The following NUCKS1 variants were observed in gnomAD, a reference collection of about 807,000 sequenced individuals.
NUCKS1 encodes the protein nuclear casein kinase and cyclin dependent kinase substrate 1, also known as nuclear ubiquitous casein and cyclin-dependent kinase substrate 1.
In NUCKS1, 2 loss-of-function variants were observed where a neutral mutation model predicts 33.0. The ratio of observed to expected loss-of-function variants is 0.06; its 90% CI spans 0.02 to 0.19. NUCKS1 has a LOEUF of 0.19. Among genes scored for constraint, NUCKS1 ranks in the 10% least tolerant of loss-of-function variants. The pLI is 1.00. For missense variants in NUCKS1, 201 were observed against 293.6 expected, an observed-to-expected ratio of 0.68 and a Z score of 2.31; for synonymous variants, 106 against 102.8, an observed-to-expected ratio of 1.03 and a Z score of -0.19.
chr1:205,716,373 AAC>A lies in NUCKS1; in HGVS notation c.*1905_*1906del, dbSNP rs1671823059. 3 of 152,248 alleles carry A rather than the reference AAC, an allele frequency of 2.0e-5. No homozygotes were observed. Among genetic ancestry groups the A allele is most frequent in the Admixed American group, 2.0e-4 (3 of 15,284 alleles). The allele number at this position is 152,248 out of a possible 1,614,324, so 9.4% of individuals were successfully genotyped here. The stretch of plus-strand genomic sequence containing the variant: ...ACACTGATAGGTCTTTTACTATATG[AAC>A]ACAAACTTCTTTGTTAAAAATGGAT... On this transcript the variant is annotated 3_prime_UTR_variant, in exon 7 of 7. Transcript: ENST00000367142.
At chr1:205,748,121 C>CA (rs1177939408) in intron 1 of NUCKS1, among the ~76,000 whole-genome samples, 1 of 151,964 alleles carries the variant, frequency 6.6e-6, no homozygotes, top group Non-Finnish European at 1.5e-5. Flanking sequence ...CCAATGCCTC[C>CA]AAAAAACTGA....
rs528432834 is a variant in NUCKS1 at position 205,750,157 on chromosome 1, C to G, written c.-184G>C. The G allele has an allele frequency of 2.4e-3, 1,535 of 639,832 alleles. 7 individuals are homozygous for G. The highest frequency in any genetic ancestry group is 3.3e-3 in the Non-Finnish European group (1,205 of 362,408). The allele number at this position is 639,832 out of a possible 1,614,324, so 39.6% of individuals were successfully genotyped here. The stretch of plus-strand genomic sequence containing the variant: ...GGGCTCCTGGAACAGACGAGCCCCC[C>G]GCTCCCCCGTCTCTTCAAAATGGAT... On this transcript the variant is annotated 5_prime_UTR_variant, in exon 1 of 7. Transcript: ENST00000367142.
At position 205,717,395 on chromosome 1, in the gene NUCKS1, G is replaced by GTTTT; in HGVS notation, c.*881_*884dup. 4.5e-6 allele frequency: 4 copies of GTTTT among 883,264 alleles called. No individual in the cohort carries two copies. The highest frequency in any genetic ancestry group is 5.4e-6 in the Non-Finnish European group (4 of 744,456). 54.7% of individuals were successfully genotyped at this position (883,264 alleles called of 1,614,324 possible). Reference sequence around the variant, plus strand: ...CTGATCTTGTTGATTAAATTCTAGGGTTTTTTTTTTTTTGGATTCTTGGTA... The same window carrying GTTTT: ...CTGATCTTGTTGATTAAATTCTAGGGTTTTTTTTTTTTTTTTTGGATTCTTGGTA... On this transcript the variant is annotated 3_prime_UTR_variant, in exon 7 of 7. Transcript: ENST00000367142.
At position 205,716,835 on chromosome 1, in the gene NUCKS1, G is replaced by A. The variant is rs1294391106; in HGVS notation, c.*1445C>T. 1.3e-5 allele frequency: 2 copies of A among 152,172 alleles called. No individual in the cohort carries two copies. The highest frequency in any genetic ancestry group is 2.9e-5 in the Non-Finnish European group (2 of 68,030). The allele number at this position is 152,172 out of a possible 1,614,324, so 9.4% of individuals were successfully genotyped here. A position where few individuals can be genotyped will look rare whatever the true frequency, so the allele number is the denominator to read the frequency against. On this transcript the variant is annotated 3_prime_UTR_variant, in exon 7 of 7. Transcript: ENST00000367142. ...TCTCCTGACTGCTTTTATAAGGCGT[G>A]TAAAAGTCGGTTTTCAACTGCACAC... is the stretch of plus-strand genomic sequence containing the variant.
intron 1 of NUCKS1, among the ~76,000 whole-genome samples, chr1:205,743,751 A>G (rs1369422469): frequency 6.6e-6 from 1 of 152,200 alleles, no homozygotes; most frequent in Admixed American, 6.5e-5. Context: ...GTAACACAAC[A>G]TTATTAAAAA....
At chr1:205,745,329 T>C (rs1186242847) in intron 1 of NUCKS1, among the ~76,000 whole-genome samples, 3 of 151,984 alleles carry the variant, frequency 2.0e-5, no homozygotes, top group Non-Finnish European at 4.4e-5. Flanking sequence ...TGAAACCCTG[T>C]CTACAAAAAA....
rs535971636 is a variant in NUCKS1, at chr1:205,717,329, A to C, written c.*951T>G. On this transcript the variant is annotated 3_prime_UTR_variant, in exon 7 of 7. Coordinates refer to ENST00000367142, the MANE Select transcript of NUCKS1 (RefSeq NM_022731.5). ...TGGAACTTTATTTGCTTAAAACCTA[A>C]ACATTGTCAGTTTGAAAAGAAATCC... is the stretch of plus-strand genomic sequence containing the variant. 8.1e-6 allele frequency: 8 copies of C among 987,440 alleles called. No individual in the cohort carries two copies. The South Asian group carries it at 3.7e-4, about 46-fold the overall frequency. 61.2% of individuals were successfully genotyped at this position (987,440 alleles called of 1,614,324 possible).
chr1:205,745,848 T>C (rs1654307537), intron 1 of NUCKS1, among the ~76,000 whole-genome samples: 1 of 152,178 alleles, frequency 6.6e-6, no homozygotes, highest in Non-Finnish European at 1.5e-5. Flanking sequence ...TAAAACAAAG[T>C]GAAAACCTCT....
In NUCKS1 at chr1:205,715,166, C is replaced by T. The variant is rs1364874637; in HGVS notation, c.*3114G>A. 2 of 152,132 alleles carry T rather than the reference C, an allele frequency of 1.3e-5. No homozygotes were observed. Among genetic ancestry groups the T allele is most frequent in the African/African-American group, 2.4e-5 (1 of 41,412 alleles). 9.4% of individuals were successfully genotyped at this position (152,132 alleles called of 1,614,324 possible). On this transcript the variant is annotated 3_prime_UTR_variant, in exon 7 of 7. Transcript: ENST00000367142. ...TAAAAACTTTACTGGAGTATAACCT[C>T]AAATTTCACTCTTGATTTGTTATCT...
chr1:205,719,091 T>C (rs1258416416), intron 6 of NUCKS1, among the ~76,000 whole-genome samples: 2 of 152,242 alleles, frequency 1.3e-5, no homozygotes, highest in Non-Finnish European at 2.9e-5. Context: ...TGTGGTTTTA[T>C]TCTGATAGCA....
chr1:205,747,621 A>G (rs1218152696), intron 1 of NUCKS1, among the ~76,000 whole-genome samples: 2 of 152,230 alleles, frequency 1.3e-5, no homozygotes, highest in African/African-American at 4.8e-5. Context: ...AAAACTGCAA[A>G]ATTATACACA....
rs773098402 is a variant in NUCKS1 at position 205,749,981 on chromosome 1, G to C, written c.-8C>G. ...CCTGACAGGCCGCGACATGTTCGCT[G>C]TCGAAACAGGACCGAGTCGAGAAGC... On this transcript the variant is annotated 5_prime_UTR_variant, in exon 1 of 7. Transcript: ENST00000367142. 1 of 1,601,552 alleles carries C rather than the reference G, an allele frequency of 6.2e-7. No homozygotes were observed. The highest frequency in any genetic ancestry group is 1.7e-5 in the Admixed American group (1 of 59,424).
At chr1:205,748,136 A>G (rs1181501675) in intron 1 of NUCKS1, among the ~76,000 whole-genome samples, 5 of 152,200 alleles carry the variant, frequency 3.3e-5, no homozygotes, top group Admixed American at 6.5e-5. Flanking sequence ...AACTGATAGA[A>G]TGTGCTTAAT....
At chr1:205,723,177 T>C (rs1671951244) in intron 4 of NUCKS1, among the ~76,000 whole-genome samples, 1 of 152,178 alleles carries the variant, frequency 6.6e-6, no homozygotes. Flanking sequence ...AGAGTGAATT[T>C]AGCAGAACTT....
Position 205,717,580 on chromosome 1 carries a change from G to A in NUCKS1, c.*700C>T, listed in dbSNP as rs1022129709. The A allele has an allele frequency of 1.2e-5, 12 of 983,948 alleles. No individual in the cohort carries two copies. Among genetic ancestry groups the A allele is most frequent in the Admixed American group, 1.2e-4 (2 of 16,102 alleles). The allele number at this position is 983,948 out of a possible 1,614,324, so 61.0% of individuals were successfully genotyped here. ...GAGTCTCTTTGAGATAACAAGTGATGAAATAAAAAAGAAAGCCCATACCCT... is the reference window on the plus strand; with the variant it reads ...GAGTCTCTTTGAGATAACAAGTGATAAAATAAAAAAGAAAGCCCATACCCT... On this transcript the variant is annotated 3_prime_UTR_variant, in exon 7 of 7. Coordinates refer to ENST00000367142, the MANE Select transcript of NUCKS1 (RefSeq NM_022731.5).
In NUCKS1 at chr1:205,716,267, A is replaced by T. The variant is rs1475101031; in HGVS notation, c.*2013T>A. On this transcript the variant is annotated 3_prime_UTR_variant, in exon 7 of 7. Transcript: ENST00000367142. Reference sequence around the variant, plus strand: ...CTCCCCCCAAATCTTCACGAAACATAACCTAAGAAAAGCCCAAATGTTACT... The same window carrying T: ...CTCCCCCCAAATCTTCACGAAACATTACCTAAGAAAAGCCCAAATGTTACT... 6.6e-6 allele frequency: 1 copy of T among 152,206 alleles called. No individual in the cohort carries two copies. The highest frequency in any genetic ancestry group is 2.4e-5 in the African/African-American group (1 of 41,458). 9.4% of individuals were successfully genotyped at this position (152,206 alleles called of 1,614,324 possible).
chr1:205,740,328 T>C (rs1654136058), intron 1 of NUCKS1, among the ~76,000 whole-genome samples: 1 of 151,806 alleles, frequency 6.6e-6, no homozygotes, highest in African/African-American at 2.4e-5. Flanking sequence ...ATTTAAAATA[T>C]CAAATTCCCT....
chr1:205,724,547 A>C (rs1325640018), intron 3 of NUCKS1, among the ~76,000 whole-genome samples: 1 of 152,026 alleles, frequency 6.6e-6, no homozygotes, highest in East Asian at 1.9e-4. Flanking sequence ...TACAAATATT[A>C]GCCAGGCGTG....
rs1191041223 is a variant in NUCKS1 at position 205,713,731 on chromosome 1, C to T, written c.*4549G>A. The stretch of plus-strand genomic sequence containing the variant: ...TTAAGGTATTGCAAGAATGCCCAAC[C>T]CTCTGGTGTCTGATCATGTATCTAG... On this transcript the variant is annotated 3_prime_UTR_variant, in exon 7 of 7. Coordinates refer to ENST00000367142, the MANE Select transcript of NUCKS1 (RefSeq NM_022731.5). The T allele has an allele frequency of 6.6e-6, 1 of 152,204 alleles. No individual in the cohort carries two copies. Among genetic ancestry groups the T allele is most frequent in the Non-Finnish European group, 1.5e-5 (1 of 68,044 alleles). 9.4% of individuals were successfully genotyped at this position (152,204 alleles called of 1,614,324 possible). A position where few individuals can be genotyped will look rare whatever the true frequency, so the allele number is the denominator to read the frequency against.
Sources: allele counts gnomAD v4.1 joint callset (sites outside exome capture counted in the v4.1 genomes callset), GRCh38; gene constraint gnomAD v4.1.1; transcripts MANE v1.5; gene names NCBI Gene and HGNC (gene_info 2026-07-23, HGNC 2026-07-21).